Variants in LRP1B observed in about 807,000 individuals in gnomAD.
LRP1B encodes the protein low-density lipoprotein receptor-related protein 1B.
A neutral mutation model predicts 556.6 loss-of-function variants in LRP1B; 217 were observed. The observed-to-expected ratio is 0.39, with a 90% CI of 0.35 to 0.44. The LOEUF (loss-of-function observed/expected upper bound fraction) is 0.44, where lower values mean the gene tolerates loss of function less well. LRP1B is among the 20% of genes least tolerant of loss of function. The pLI, the probability that LRP1B is intolerant of heterozygous loss-of-function variation, is 1.00. For synonymous variants in LRP1B, 2,047 were observed against 1,865.8 expected, an observed-to-expected ratio of 1.10 and a Z score of -2.50; for missense variants, 5,053 against 5,620.8, an observed-to-expected ratio of 0.90 and a Z score of 3.23.
At chr2:141,822,425 G>A (rs986820267) in intron 1 of LRP1B, among the ~76,000 whole-genome samples, 16 of 152,136 alleles carry the variant, frequency 1.1e-4, no homozygotes, top group African/African-American at 2.9e-4. Context: ...CATCTCCCTC[G>A]TAAATGCAAA....
intron 1 of LRP1B, among the ~76,000 whole-genome samples, chr2:142,105,508 T>A (rs76460503): frequency 0.018 from 2,806 of 152,292 alleles, 42 homozygotes; most frequent in Middle Eastern, 0.044. Flanking sequence ...AAATCACAGA[T>A]TGAAATGACT....
chr2:140,642,093 G>C (rs1460167716), intron 41 of LRP1B, among the ~76,000 whole-genome samples: 1 of 152,174 alleles, frequency 6.6e-6, no homozygotes, highest in Non-Finnish European at 1.5e-5. Context: ...TCTGGGGCTG[G>C]TGATAAGGGC....
intron 1 of LRP1B, among the ~76,000 whole-genome samples, chr2:141,822,862 G>A (rs1696800774): frequency 6.6e-6 from 1 of 152,000 alleles, no homozygotes; most frequent in Admixed American, 6.6e-5. Context: ...TAAAGCGGTG[G>A]GCAAAAATAG....
intron 2 of LRP1B, among the ~76,000 whole-genome samples, chr2:141,795,381 T>C (rs1695769202): frequency 6.6e-6 from 1 of 152,066 alleles, no homozygotes; most frequent in Non-Finnish European, 1.5e-5. Flanking sequence ...TGTACATGCA[T>C]GTGTGTGTTT....
chr2:141,421,528 C>CAAA (rs34839214), intron 3 of LRP1B, among the ~76,000 whole-genome samples: 2,359 of 138,170 alleles, frequency 0.017, 71 homozygotes, highest in East Asian at 0.087. Context: ...GACTCTGTCT[C>CAAA]AAAAAAAAAA....
At chr2:142,019,623 A>G (rs1703268021) in intron 1 of LRP1B, among the ~76,000 whole-genome samples, 1 of 152,158 alleles carries the variant, frequency 6.6e-6, no homozygotes, top group Non-Finnish European at 1.5e-5. Context: ...CTGTAGAAAC[A>G]CAACTCAGAT....
chr2:141,378,667 TAAAA>T (rs1689525598), intron 3 of LRP1B, among the ~76,000 whole-genome samples: 1 of 152,102 alleles, frequency 6.6e-6, no homozygotes, highest in African/African-American at 2.4e-5. Flanking sequence ...CTCCATCTCT[TAAAA>T]AAGAAGTACA....
intron 42 of LRP1B, among the ~76,000 whole-genome samples, chr2:140,601,023 T>G (rs1190453559): frequency 6.6e-6 from 1 of 151,732 alleles, no homozygotes; most frequent in Non-Finnish European, 1.5e-5. Flanking sequence ...TGGTTGCAGT[T>G]TGCTTTCTTT....
At chr2:140,649,717 C>T (rs987403984) in intron 41 of LRP1B, among the ~76,000 whole-genome samples, 1 of 152,214 alleles carries the variant, frequency 6.6e-6, no homozygotes, top group Non-Finnish European at 1.5e-5. Flanking sequence ...TCCTCCTCAC[C>T]AGATCCCGTG....
chr2:141,674,464 A>G (rs1206921671), intron 2 of LRP1B, among the ~76,000 whole-genome samples: 1 of 152,112 alleles, frequency 6.6e-6, no homozygotes, highest in African/African-American at 2.4e-5. Context: ...AGTGATTCCA[A>G]GATTGTATTC....
intron 49 of LRP1B, among the ~76,000 whole-genome samples, chr2:140,520,865 C>G (rs1264216637): frequency 8.5e-6 from 1 of 118,254 alleles, no homozygotes; most frequent in Non-Finnish European, 1.8e-5. Flanking sequence ...AAGAACTAAA[C>G]AGAACTTTTG....
intron 2 of LRP1B, among the ~76,000 whole-genome samples, chr2:141,487,674 C>A (rs1350157967): frequency 6.6e-6 from 1 of 152,074 alleles, no homozygotes. Flanking sequence ...CAAATATATT[C>A]CCACTCCTGG....
At chr2:140,842,179 T>A (rs770186553) in intron 29 of LRP1B, among the ~76,000 whole-genome samples, 3 of 152,176 alleles carry the variant, frequency 2.0e-5, no homozygotes, top group Non-Finnish European at 4.4e-5. Context: ...TTTATTCTTT[T>A]CAAAAGAAGC....
chr2:140,619,068 T>C (rs1683358526), intron 41 of LRP1B, among the ~76,000 whole-genome samples: 1 of 119,762 alleles, frequency 8.3e-6, no homozygotes, highest in South Asian at 2.9e-4. Flanking sequence ...GGTATGTATA[T>C]CTATCTACAC....
chr2:140,339,977 T>C (rs1420392495), intron 77 of LRP1B, among the ~76,000 whole-genome samples: 1 of 151,602 alleles, frequency 6.6e-6, no homozygotes, highest in Non-Finnish European at 1.5e-5. Flanking sequence ...AATAAACTTC[T>C]ATTAGACGAA....
At chr2:140,816,969 T>C (rs1260257146) in intron 31 of LRP1B, among the ~76,000 whole-genome samples, 10 of 152,142 alleles carry the variant, frequency 6.6e-5, no homozygotes, top group Non-Finnish European at 1.2e-4. Flanking sequence ...GTTGTGCTAA[T>C]ATTTAAAAAA....
At chr2:141,250,710 C>A (rs1684229947) in intron 4 of LRP1B, among the ~76,000 whole-genome samples, 1 of 152,090 alleles carries the variant, frequency 6.6e-6, no homozygotes, top group African/African-American at 2.4e-5. Flanking sequence ...GTACCTGAGT[C>A]TTGCAGTACT....
chr2:140,537,994 T>A (rs1679990566), intron 45 of LRP1B, among the ~76,000 whole-genome samples: 1 of 152,126 alleles, frequency 6.6e-6, no homozygotes, highest in South Asian at 2.1e-4. Context: ...TACGTTTAAA[T>A]CCAGTTGTAT....
At chr2:140,875,471 C>T (rs779036326) in intron 25 of LRP1B, among the ~76,000 whole-genome samples, 2 of 152,040 alleles carry the variant, frequency 1.3e-5, no homozygotes, top group Non-Finnish European at 2.9e-5. Context: ...TTTATTTGGG[C>T]TTATTGTTTT....
Sources: gnomAD v4.1 joint callset for allele counts (sites outside exome capture counted in the v4.1 genomes callset) on GRCh38, gnomAD v4.1.1 for gene constraint, MANE v1.5 for transcripts, NCBI Gene and HGNC (gene_info 2026-07-23, HGNC 2026-07-21) for gene names.